The following UBE3A variants were observed in gnomAD, a reference collection of about 807,000 sequenced individuals.
The protein encoded by UBE3A is ubiquitin protein ligase E3A, also known as ubiquitin-protein ligase E3A.
UBE3A carries 6 observed loss-of-function variants against 83.4 expected under a neutral mutation model. That is an observed-to-expected ratio of 0.07 (90% CI 0.04 to 0.14). The LOEUF is 0.14. UBE3A is among the 10% of genes least tolerant of loss of function. The probability of loss-of-function intolerance (pLI) is 1.00; values close to 1 mark genes in which losing one functional copy is unlikely to be tolerated. For synonymous variants in UBE3A, 337 were observed against 355.4 expected, an observed-to-expected ratio of 0.95 and a Z score of 0.58; for missense variants, 456 against 1,036.1, an observed-to-expected ratio of 0.44 and a Z score of 7.69.
intron 1 of UBE3A, among the ~76,000 whole-genome samples, chr15:25,416,653 A>C (rs962573816): frequency 4.6e-5 from 7 of 152,034 alleles, no homozygotes; most frequent in Non-Finnish European, 1.0e-4. Flanking sequence ...AAAAAAAAAA[A>C]AAAAAACCTC....
At position 25,402,989 on chromosome 15, in the gene UBE3A, AATCATGGCC is replaced by A. The variant is rs2087547604; in HGVS notation, c.62+2463_62+2471del. Among the ~76,000 whole-genome samples the A allele has an allele frequency of 2.0e-5, 3 of 152,276 alleles. No homozygotes were observed. The South Asian group carries it at 6.2e-4, about 32-fold the overall frequency. ...TTTGGTCTGGCATCCCAACCTTTCC[AATCATGGCC>A]ATCATCCACAGCATATAAATTCAAA... On this transcript the variant is annotated intron_variant, in intron 4 of 12. Transcript: ENST00000648336.
At chr15:25,384,001 G>A (rs2082644648) in intron 4 of UBE3A, among the ~76,000 whole-genome samples, 1 of 152,008 alleles carries the variant, frequency 6.6e-6, no homozygotes, top group African/African-American at 2.4e-5. Flanking sequence ...TAAAGTTACA[G>A]GATATAAAAA....
chr15:25,380,122 TC>T (rs2081931060), intron 4 of UBE3A, among the ~76,000 whole-genome samples: 1 of 152,152 alleles, frequency 6.6e-6, no homozygotes, highest in Admixed American at 6.5e-5. Flanking sequence ...ATCAGGGGTT[TC>T]CGCTTTTGCA....
At chr15:25,384,933 C>CA (rs1007673338) in intron 4 of UBE3A, among the ~76,000 whole-genome samples, 2 of 152,168 alleles carry the variant, frequency 1.3e-5, no homozygotes, top group African/African-American at 4.8e-5. Context: ...AGCCTTATCT[C>CA]ACACCATATA....
chr15:25,374,607 A>G (rs1001453188), intron 5 of UBE3A: 8 of 152,268 alleles, frequency 5.3e-5, no homozygotes, highest in African/African-American at 1.9e-4. Flanking sequence ...AGGTTATAAC[A>G]CAATGCCACT....
intron 11 of UBE3A, among the ~76,000 whole-genome samples, chr15:25,352,845 A>G (rs1225532454): frequency 2.0e-5 from 3 of 152,242 alleles, no homozygotes; most frequent in Non-Finnish European, 2.9e-5. Flanking sequence ...AAGCTACTTT[A>G]TCTGTCATTT....
chr15:25,410,993 C>A (rs1445115291), intron 2 of UBE3A, among the ~76,000 whole-genome samples: 1 of 152,152 alleles, frequency 6.6e-6, no homozygotes, highest in Non-Finnish European at 1.5e-5. Context: ...GTTAAAATAT[C>A]TTTTAATTGA....
At chr15:25,367,713 A>T (rs2079556587) in intron 6 of UBE3A, among the ~76,000 whole-genome samples, 1 of 152,152 alleles carries the variant, frequency 6.6e-6, no homozygotes, top group Admixed American at 6.5e-5. Context: ...GAGATTAGTG[A>T]AAATACTATC....
chr15:25,405,632 G>C (rs895356388), intron 3 of UBE3A, 130 bp from the exon 4 acceptor site: 2 of 961,868 alleles, frequency 2.1e-6, no homozygotes, highest in Non-Finnish European at 3.2e-6. Flanking sequence ...TAAAATTAAA[G>C]ATGTCAACAT....
At chr15:25,369,374 C>G (rs973542297) in intron 6 of UBE3A, among the ~76,000 whole-genome samples, 1 of 114,340 alleles carries the variant, frequency 8.7e-6, no homozygotes. Flanking sequence ...AAACCAGTAA[C>G]AAAAAAAAAA....
intron 4 of UBE3A, among the ~76,000 whole-genome samples, chr15:25,377,443 C>T (rs2081399510): frequency 2.0e-5 from 3 of 152,104 alleles, no homozygotes; most frequent in Middle Eastern, 3.4e-3. Flanking sequence ...ATAAACCCCA[C>T]CTGAAAATTA....
At chr15:25,434,307 T>C (rs1489656873) in intron 1 of UBE3A, among the ~76,000 whole-genome samples, 1 of 152,106 alleles carries the variant, frequency 6.6e-6, no homozygotes, top group African/African-American at 2.4e-5. Flanking sequence ...GGCCAGGTAT[T>C]GTGGCTCATG....
Position 25,370,825 on chromosome 15 carries a change from G to A in UBE3A, c.1349C>T (p.Pro450Leu). ...ATCCATTTCTAGAACCTCATTCAGT[G>A]GTTCATTAATAAACTCTTCAAAAGG... is the stretch of plus-strand genomic sequence containing the variant. ...LIPFEEFINE[P>L]LNEVLEMDKD... The change falls in exon 6 of 13, where the codon CCA (proline) becomes CTA (leucine). Residue 450 changes from proline (P) to leucine (L), a missense_variant. Physicochemically the swap from Pro to Leu is moderately conservative, Grantham distance 98 (BLOSUM62 -3). Coordinates refer to ENST00000648336, the MANE Select transcript of UBE3A (RefSeq NM_130839.5). This position sits in a 1 kb window ranked among gnomAD's most constrained non-coding sequence, Gnocchi z 4.2. 1 of 1,614,014 alleles carries A rather than the reference G, an allele frequency of 6.2e-7. No individual in the cohort carries two copies. The highest frequency in any genetic ancestry group is 8.5e-7 in the Non-Finnish European group (1 of 1,179,952).
At chr15:25,341,412 T>G (rs1595393560) in intron 11 of UBE3A, among the ~76,000 whole-genome samples, 1 of 151,422 alleles carries the variant, frequency 6.6e-6, no homozygotes, top group Non-Finnish European at 1.5e-5. Flanking sequence ...AAAAAAAAAA[T>G]TAAAAGTATT....
chr15:25,392,229 C>G (rs934987071), intron 4 of UBE3A, among the ~76,000 whole-genome samples: 2 of 152,180 alleles, frequency 1.3e-5, no homozygotes, highest in Non-Finnish European at 2.9e-5. Flanking sequence ...AGAATCTGCT[C>G]TAGTCAGGTC....
chr15:25,399,836 C>A (rs1434045451), intron 4 of UBE3A, among the ~76,000 whole-genome samples: 1 of 152,040 alleles, frequency 6.6e-6, no homozygotes, highest in Non-Finnish European at 1.5e-5. Flanking sequence ...CCTCAGTCTC[C>A]CAGAGTGTGG....
intron 4 of UBE3A, among the ~76,000 whole-genome samples, chr15:25,384,469 AAAAAAAG>A (rs1415123403): frequency 6.6e-6 from 1 of 151,658 alleles, no homozygotes; most frequent in Non-Finnish European, 1.5e-5. Context: ...CAAAAAAAAA[AAAAAAAG>A]AAAAAGAAAA....
chr15:25,384,805 T>A (rs2082820823), intron 4 of UBE3A, among the ~76,000 whole-genome samples: 1 of 152,038 alleles, frequency 6.6e-6, no homozygotes, highest in Admixed American at 6.5e-5. Context: ...GGTGCTGGCA[T>A]AAAGACAGAT....
At chr15:25,410,874 T>C (rs1212225325) in intron 2 of UBE3A, among the ~76,000 whole-genome samples, 2 of 152,136 alleles carry the variant, frequency 1.3e-5, no homozygotes, top group Non-Finnish European at 2.9e-5. Context: ...AAATAAACAA[T>C]GTGGTCATGA....
Sources: allele counts gnomAD v4.1 joint callset (sites outside exome capture counted in the v4.1 genomes callset), GRCh38; gene constraint gnomAD v4.1.1; non-coding constraint Gnocchi (gnomAD v3.1); transcripts MANE v1.5; gene names NCBI Gene and HGNC (gene_info 2026-07-23, HGNC 2026-07-21).